CCDC110: variants seen among roughly 807,000 people sequenced by gnomAD.
The protein encoded by CCDC110 is coiled-coil domain-containing protein 110.
In CCDC110, 70 loss-of-function variants were observed where a neutral mutation model predicts 77.1. That is an observed-to-expected ratio of 0.91 (90% CI 0.75 to 1.11). The LOEUF is 1.11. CCDC110 is among the 50% of genes least tolerant of loss of function. The probability of loss-of-function intolerance (pLI) is 0.00; values close to 1 mark genes in which losing one functional copy is unlikely to be tolerated. For synonymous variants in CCDC110, 295 were observed against 312.5 expected (o/e 0.94, Z 0.59); for missense variants, 868 against 942.9 (o/e 0.92, Z 1.04).
chr4:185,452,818 C>G (rs1201346547), intron 6 of CCDC110, among the ~76,000 whole-genome samples: 1 of 145,722 alleles, frequency 6.9e-6, no homozygotes, highest in African/African-American at 2.5e-5. Flanking sequence ...TTGCTTGAGC[C>G]TGTGAGGCGG....
chr4:185,456,967 A>G (rs1363207703), intron 6 of CCDC110, among the ~76,000 whole-genome samples: 2 of 152,190 alleles, frequency 1.3e-5, no homozygotes, highest in Admixed American at 1.3e-4. Flanking sequence ...ACAAGAAAAT[A>G]ATACAGACCA....
At position 185,459,274 on chromosome 4, in the gene CCDC110, GATTCTTTTAGGTA is replaced by G. The variant is rs769693618; in HGVS notation, c.1300_1312del (p.Tyr434LeufsTer8). On this transcript the variant is annotated frameshift_variant, in exon 6 of 7. Transcript: ENST00000307588. LOFTEE classifies it high-confidence loss of function. Reference sequence around the variant, plus strand: ...CATTACTTTTTTCTGTATCTGCACAGATTCTTTTAGGTAATTCTGTAAGTACTGAATTTTTGCA... The same window carrying G: ...CATTACTTTTTTCTGTATCTGCACAGATTCTGTAAGTACTGAATTTTTGCA... 7 of 1,613,058 alleles carry G rather than the reference GATTCTTTTAGGTA, an allele frequency of 4.3e-6. No homozygotes were observed. The Admixed American group carries it at 8.3e-5, about 19-fold the overall frequency.
chr4:185,458,860 G>GT lies in CCDC110; in HGVS notation c.1726dup (p.Thr576AsnfsTer9). On this transcript the variant is annotated frameshift_variant, in exon 6 of 7. Transcript: ENST00000307588. LOFTEE classifies it high-confidence loss of function. ...TTCATCTTGTATCAACAGAATATTG[G>GT]TTTTCATTGCTTCCATTTCTATACT... The GT allele has an allele frequency of 1.2e-6, 2 of 1,603,820 alleles. No homozygotes were observed. Among genetic ancestry groups the GT allele is most frequent in the South Asian group, 2.3e-5 (2 of 88,132 alleles).
In CCDC110 at chr4:185,459,316, C is replaced by G. The variant is rs1304028931; in HGVS notation, c.1271G>C (p.Cys424Ser). The G allele has an allele frequency of 6.2e-7, 1 of 1,613,016 alleles. No individual in the cohort carries two copies. The highest frequency in any genetic ancestry group is 8.5e-7 in the Non-Finnish European group (1 of 1,179,368). The change falls in exon 6 of 7, where the codon TGT becomes TCT. Residue 424 changes from cysteine (C) to serine (S), a missense_variant. By Grantham distance (112) the Cys-to-Ser change is moderately radical. Transcript: ENST00000307588. ...TSKVNSVTEQ[C>S]VAKIQYLQNY... is the part of the protein sequence containing the mutation. ...CTGTAAGTACTGAATTTTTGCAACA[C>G]ACTGCTCAGTAACGGAATTAACTTT...
chr4:185,466,186 T>C (rs1169050563), intron 2 of CCDC110, among the ~76,000 whole-genome samples: 1 of 151,918 alleles, frequency 6.6e-6, no homozygotes, highest in Non-Finnish European at 1.5e-5. Flanking sequence ...CCATCCTGGC[T>C]AACATGGTGA....
chr4:185,452,222 CAT>C (rs1304404163), intron 6 of CCDC110: 8 of 985,352 alleles, frequency 8.1e-6, no homozygotes, highest in African/African-American at 1.7e-5. Flanking sequence ...ACAACTTACA[CAT>C]CTAGTTATCT....
chr4:185,446,133 G>A (rs775070348), intron 6 of CCDC110, among the ~76,000 whole-genome samples: 18 of 152,054 alleles, frequency 1.2e-4, no homozygotes, highest in African/African-American at 2.2e-4. Flanking sequence ...GAGCCACTGC[G>A]CCCAGCACAA....
chr4:185,459,361 G>A lies in CCDC110; in HGVS notation c.1226C>T (p.Ser409Phe), dbSNP rs11132306. The change falls in exon 6 of 7, where the codon TCT (serine) becomes TTT (phenylalanine). Residue 409 changes from serine (S) to phenylalanine (F), a missense_variant. By Grantham distance (155) the Ser-to-Phe change is radical (BLOSUM62 -2). Coordinates refer to ENST00000307588, the MANE Select transcript of CCDC110 (RefSeq NM_152775.4). ...PFLVKQGSII[S>F]ENEKTSKVNS... The stretch of plus-strand genomic sequence containing the variant: ...AACTTTGGAAGTTTTCTCATTTTCA[G>A]ATATTATTGATCCTTGTTTTACTAG... 828,257 of 1,608,604 alleles carry A rather than the reference G, an allele frequency of 0.51. 218,393 individuals are homozygous for A. The highest frequency in any genetic ancestry group is 0.57 in the Middle Eastern group (3,454 of 6,044).
In CCDC110 at chr4:185,468,011, C is replaced by A. The variant is rs1244422949; in HGVS notation, c.115+2934G>T. 6.6e-6 allele frequency among the ~76,000 whole-genome samples: 1 copy of A among 152,184 alleles called. No individual in the cohort carries two copies. Among genetic ancestry groups the A allele is most frequent in the Non-Finnish European group, 1.5e-5 (1 of 68,036 alleles). On this transcript the variant is annotated intron_variant, in intron 2 of 6. Coordinates refer to ENST00000307588, the MANE Select transcript of CCDC110 (RefSeq NM_152775.4). The surrounding 1 kb of genome is among the most constrained non-coding windows in gnomAD (Gnocchi z 4.5). ...CTCAAACTCCTGACCTCAGGTGATC[C>A]TCCTGCCTCGGTCTCCCAAAATGCT...
At chr4:185,469,766 G>GA (rs2095662597) in intron 2 of CCDC110, among the ~76,000 whole-genome samples, 1 of 152,230 alleles carries the variant, frequency 6.6e-6, no homozygotes, top group African/African-American at 2.4e-5. Context: ...TCTGTCTACT[G>GA]AGGTGTGGCT....
intron 4 of CCDC110, 64 bp from the exon 5 acceptor site, chr4:185,461,223 A>G (rs2095645852): frequency 1.3e-6 from 1 of 768,754 alleles, no homozygotes; most frequent in African/African-American, 1.7e-5. Context: ...GTACAGGAAT[A>G]ATAGACATTA....
chr4:185,447,460 T>A (rs369788718), intron 6 of CCDC110, among the ~76,000 whole-genome samples: 5 of 152,244 alleles, frequency 3.3e-5, no homozygotes, highest in East Asian at 1.9e-4. Context: ...GATTACAGGC[T>A]TGATCCACCA....
chr4:185,456,056 T>C (rs1294703319), intron 6 of CCDC110, among the ~76,000 whole-genome samples: 1 of 152,186 alleles, frequency 6.6e-6, no homozygotes, highest in Non-Finnish European at 1.5e-5. Context: ...GTTTACTCAG[T>C]TGACATTTAT....
chr4:185,460,278 T>C (rs2095643751), intron 5 of CCDC110, 40 bp from the exon 6 acceptor site: 6 of 1,445,644 alleles, frequency 4.2e-6, no homozygotes, highest in Non-Finnish European at 5.6e-6. Context: ...TATTGTCATT[T>C]GCCACATGAT....
At chr4:185,445,636 C>A in intron 6 of CCDC110, 94 bp from the exon 7 acceptor site, 1 of 773,626 alleles carries the variant, frequency 1.3e-6, no homozygotes, top group Non-Finnish European at 2.1e-6. Flanking sequence ...CTTAAAACTT[C>A]AATTTTATCC....
intron 4 of CCDC110, among the ~76,000 whole-genome samples, chr4:185,462,109 G>A (rs1307274679): frequency 2.0e-5 from 3 of 152,134 alleles, no homozygotes; most frequent in Non-Finnish European, 4.4e-5. Context: ...AAAGCAAAGT[G>A]TACTCTCTTC....
intron 6 of CCDC110, among the ~76,000 whole-genome samples, chr4:185,451,037 C>G (rs897530288): frequency 6.6e-6 from 1 of 152,102 alleles, no homozygotes; most frequent in African/African-American, 2.4e-5. Context: ...ATGGAGGCAG[C>G]TTCCCCCATA....
chr4:185,446,190 A>G (rs950730665), intron 6 of CCDC110, among the ~76,000 whole-genome samples: 5 of 152,230 alleles, frequency 3.3e-5, no homozygotes, highest in African/African-American at 4.8e-5. Context: ...AGAACAATGT[A>G]TTTATCAGCA....
chr4:185,453,240 AAAC>A (rs1276414217), intron 6 of CCDC110, among the ~76,000 whole-genome samples: 1 of 152,076 alleles, frequency 6.6e-6, no homozygotes, highest in Non-Finnish European at 1.5e-5. Context: ...AACAAAACAA[AAAC>A]AACCACTAGA....
Sources: allele counts gnomAD v4.1 joint callset (sites outside exome capture counted in the v4.1 genomes callset), GRCh38; gene constraint gnomAD v4.1.1; non-coding constraint Gnocchi (gnomAD v3.1); transcripts MANE v1.5; gene names NCBI Gene and HGNC (gene_info 2026-07-23, HGNC 2026-07-21).